GALNT15: variants seen among roughly 807,000 people sequenced by gnomAD.
GALNT15 encodes the protein polypeptide N-acetylgalactosaminyltransferase 15, also known as UDP-GalNAc transferase T15.
In GALNT15, 67 loss-of-function variants were observed where a neutral mutation model predicts 66.8. The observed-to-expected ratio is 1.00, with a 90% CI of 0.82 to 1.23. The LOEUF (loss-of-function observed/expected upper bound fraction) is 1.23. GALNT15 is among the 50% of genes most tolerant of loss of function. The pLI, the probability that GALNT15 is intolerant of heterozygous loss-of-function variation, is 0.00. For missense variants in GALNT15, 827 were observed against 804.3 expected, an observed-to-expected ratio of 1.03 and a Z score of -0.34; for synonymous variants, 313 against 311.5, an observed-to-expected ratio of 1.00 and a Z score of -0.05.
In GALNT15 at chr3:16,225,245, C is replaced by G. The variant is rs2063993522; in HGVS notation, c.1774-2109C>G. On this transcript the variant is annotated intron_variant, in intron 9 of 9. Transcript: ENST00000339732. The surrounding 1 kb of genome is among the most constrained non-coding windows in gnomAD (Gnocchi z 4.4). ...GCCATGAGGGATCTGTCCCCATGAT[C>G]CAAACATCCCCCACCAAACCCCACC... Among the ~76,000 whole-genome samples the G allele has an allele frequency of 6.6e-6, 1 of 152,134 alleles. No individual in the cohort carries two copies. The highest frequency in any genetic ancestry group is 1.5e-5 in the Non-Finnish European group (1 of 68,010).
chr3:16,195,759 G>C lies in GALNT15; in HGVS notation c.540-1G>C. ...TGGCTCTCTGGCTCTCTTCCCTGCA[G>C]GTGTCTGCAGCAGCACCCTCAGGAC... is the stretch of plus-strand genomic sequence containing the variant. On this transcript the variant is annotated splice_acceptor_variant, in intron 1 of 9. Coordinates refer to ENST00000339732, the MANE Select transcript of GALNT15 (RefSeq NM_054110.5). LOFTEE classifies it high-confidence loss of function. The surrounding 1 kb of genome is among the most constrained non-coding windows in gnomAD (Gnocchi z 4.6). 6.2e-7 allele frequency: 1 copy of C among 1,610,148 alleles called. No homozygotes were observed. The highest frequency in any genetic ancestry group is 8.5e-7 in the Non-Finnish European group (1 of 1,177,332).
At chr3:16,238,910 C>T in the GALNT15 span, among the ~76,000 whole-genome samples, 1 of 152,206 alleles carries the variant, frequency 6.6e-6, no homozygotes, top group Non-Finnish European at 1.5e-5. The surrounding 1 kb of genome is among the most constrained non-coding windows in gnomAD (Gnocchi z 4.8). Flanking sequence ...AGTCATCTCA[C>T]ATGCCTAGTT....
downstream of GALNT15, among the ~76,000 whole-genome samples, chr3:16,232,505 T>A (rs1232103913): frequency 2.3e-5 from 2 of 85,946 alleles, 1 homozygote; most frequent in Non-Finnish European, 4.4e-5. Flanking sequence ...TATATATATA[T>A]ATATATTTAT....
At position 16,183,642 on chromosome 3, in the gene GALNT15, G is replaced by A. The variant is rs2063490520; in HGVS notation, c.539+7952G>A. ...GGGGATGCAGACAAGCAAACAGGCT[G>A]GTACATCAGTGGGATCAGGGCTGAG... On this transcript the variant is annotated intron_variant, in intron 1 of 9. Coordinates refer to ENST00000339732, the MANE Select transcript of GALNT15 (RefSeq NM_054110.5). The surrounding 1 kb of genome is among the most constrained non-coding windows in gnomAD (Gnocchi z 5.2). Among the ~76,000 whole-genome samples the A allele has an allele frequency of 6.6e-6, 1 of 152,204 alleles. No individual in the cohort carries two copies. The highest frequency in any genetic ancestry group is 6.5e-5 in the Admixed American group (1 of 15,284).
At chr3:16,221,769 G>A (rs2063944886) in intron 8 of GALNT15, among the ~76,000 whole-genome samples, 1 of 152,190 alleles carries the variant, frequency 6.6e-6, no homozygotes, top group African/African-American at 2.4e-5. Flanking sequence ...TTAACCACAA[G>A]CTTGCATCTA....
At chr3:16,230,739 TTGTC>T (rs1400205455), downstream of GALNT15, among the ~76,000 whole-genome samples, 90 of 152,334 alleles carry the variant, frequency 5.9e-4, no homozygotes, top group African/African-American at 1.8e-3. This position sits in a 1 kb window ranked among gnomAD's most constrained non-coding sequence, Gnocchi z 4.5. Flanking sequence ...AAAGTGCAAA[TTGTC>T]TGTGATCACT....
In GALNT15 at chr3:16,219,937, G is replaced by A. The variant is rs776360270; in HGVS notation, c.1552G>A (p.Ala518Thr). The A allele has an allele frequency of 6.2e-7, 1 of 1,614,222 alleles. No individual in the cohort carries two copies. The highest frequency in any genetic ancestry group is 1.7e-5 in the Admixed American group (1 of 60,030). ...KLHNTGLGLC[A>T]DCQAEGDILG... ...CCACAACACTGGACTTGGGCTCTGT[G>A]CAGACTGCCAGGCAGAAGGGGACAT... The change falls in exon 8 of 10, where the codon GCA becomes ACA. Residue 518 changes from alanine to threonine, a missense_variant. Coordinates refer to ENST00000339732, the MANE Select transcript of GALNT15 (RefSeq NM_054110.5). The surrounding 1 kb of genome is among the most constrained non-coding windows in gnomAD (Gnocchi z 4.3).
At chr3:16,185,740 TAGAC>T (rs58439664) in intron 1 of GALNT15, among the ~76,000 whole-genome samples, 2,423 of 136,812 alleles carry the variant, frequency 0.018, 72 homozygotes, top group African/African-American at 0.063. Context: ...AAGATGGTGA[TAGAC>T]AGACAGATAG....
At chr3:16,201,403 G>C (rs7639035) in intron 3 of GALNT15, among the ~76,000 whole-genome samples, 64 of 151,862 alleles carry the variant, frequency 4.2e-4, no homozygotes, top group African/African-American at 8.7e-4. Context: ...GGATGGTCTC[G>C]ATCTCCTGAC....
intron 6 of GALNT15, among the ~76,000 whole-genome samples, chr3:16,214,210 A>G (rs1559689705): frequency 6.6e-6 from 1 of 152,204 alleles, no homozygotes; most frequent in Non-Finnish European, 1.5e-5. Flanking sequence ...CTCACTTACT[A>G]GCTAGCATCT....
chr3:16,242,231 T>C, the GALNT15 span, among the ~76,000 whole-genome samples: 1 of 152,156 alleles, frequency 6.6e-6, no homozygotes. The surrounding 1 kb of genome is among the most constrained non-coding windows in gnomAD (Gnocchi z 5.6). Context: ...ACCCCACTTA[T>C]CAAAGGGACA....
rs2063457275 is a variant in GALNT15 at position 16,180,434 on chromosome 3, C to A, written c.539+4744C>A. Among the ~76,000 whole-genome samples, 1 of 152,196 alleles carries A rather than the reference C, an allele frequency of 6.6e-6. No individual in the cohort carries two copies. ...CAAGGTGGCACCAGCACTGTTGGCC[C>A]ACAGAGCACATTTTTCAACAGTGAG... is the stretch of plus-strand genomic sequence containing the variant. On this transcript the variant is annotated intron_variant, in intron 1 of 9. Transcript: ENST00000339732. The surrounding 1 kb of genome is among the most constrained non-coding windows in gnomAD (Gnocchi z 5.0).
intron 6 of GALNT15, among the ~76,000 whole-genome samples, chr3:16,217,783 C>A (rs2063895216): frequency 6.6e-6 from 1 of 152,142 alleles, no homozygotes; most frequent in South Asian, 2.1e-4. Flanking sequence ...TGATAAAACT[C>A]ATATGAAGAA....
In GALNT15 at chr3:16,228,554, T is replaced by C. The variant is rs2064047233; in HGVS notation, c.*1054T>C. ...TACTTGGGAGGCTGAGGCAAGAGAA[T>C]CGCTTGAACCCAGGAGGCAGAGGTT... On this transcript the variant is annotated 3_prime_UTR_variant, in exon 10 of 10. Coordinates refer to ENST00000339732, the MANE Select transcript of GALNT15 (RefSeq NM_054110.5). 1.4e-6 allele frequency: 1 copy of C among 721,552 alleles called. No homozygotes were observed. The highest frequency in any genetic ancestry group is 2.0e-5 in the African/African-American group (1 of 50,794). 44.7% of individuals were successfully genotyped at this position (721,552 alleles called of 1,614,324 possible). A position where few individuals can be genotyped will look rare whatever the true frequency, so the allele number is the denominator to read the frequency against.
intron 1 of GALNT15, among the ~76,000 whole-genome samples, chr3:16,192,760 C>G (rs972830329): frequency 1.3e-5 from 2 of 152,212 alleles, no homozygotes; most frequent in South Asian, 2.1e-4. Flanking sequence ...TACAGGGAAG[C>G]TGGTTCCATT....
intron 4 of GALNT15, 133 bp downstream of exon 4, chr3:16,208,803 A>G: frequency 1.2e-6 from 1 of 800,376 alleles, no homozygotes; most frequent in Non-Finnish European, 2.0e-6. Context: ...TTTCCTTTTC[A>G]GTAAATTGAG....
chr3:16,215,293 G>A (rs890601043), intron 6 of GALNT15, among the ~76,000 whole-genome samples: 18 of 152,206 alleles, frequency 1.2e-4, no homozygotes, highest in Middle Eastern at 3.2e-3. Context: ...CTGCTTTTGG[G>A]AAAATCCAGT....
At chr3:16,248,111 G>A in the GALNT15 span, among the ~76,000 whole-genome samples, 3 of 152,152 alleles carry the variant, frequency 2.0e-5, no homozygotes, top group Non-Finnish European at 4.4e-5. The surrounding 1 kb of genome is among the most constrained non-coding windows in gnomAD (Gnocchi z 4.9). Context: ...AGAAGCTATC[G>A]TTCAAGCTAC....
intron 1 of GALNT15, among the ~76,000 whole-genome samples, chr3:16,185,748 C>CAGATAGATAGAT (rs56684049): frequency 5.4e-5 from 8 of 148,308 alleles, no homozygotes; most frequent in East Asian, 2.0e-4. Context: ...GATAGACAGA[C>CAGATAGATAGAT]AGATAGATAG....
Sources: gnomAD v4.1 joint callset for allele counts (sites outside exome capture counted in the v4.1 genomes callset) on GRCh38, gnomAD v4.1.1 for gene constraint, Gnocchi (gnomAD v3.1) non-coding constraint, MANE v1.5 for transcripts, NCBI Gene and HGNC (gene_info 2026-07-23, HGNC 2026-07-21) for gene names.